UBTF: variants seen among roughly 807,000 people sequenced by gnomAD.
UBTF encodes nucleolar transcription factor 1.
A neutral mutation model predicts 112.3 loss-of-function variants in UBTF; 8 were observed. The observed-to-expected ratio is 0.07, with a 90% CI of 0.04 to 0.13. The LOEUF (loss-of-function observed/expected upper bound fraction) is 0.13. Ranked by LOEUF, UBTF falls within the 10% of genes least tolerant of loss-of-function variation. The pLI is 1.00. For synonymous variants in UBTF, 417 were observed against 373.1 expected, an observed-to-expected ratio of 1.12 and a Z score of -1.36; for missense variants, 457 against 982.1, an observed-to-expected ratio of 0.47 and a Z score of 7.15.
In UBTF at chr17:44,211,097, A is replaced by G; in HGVS notation, c.1145T>C (p.Ile382Thr). Residue 382 changes from isoleucine to threonine, a missense_variant, in exon 12 of 21, where the codon ATC (isoleucine) becomes ACC (threonine). By Grantham distance (89) the Ile-to-Thr change is moderately conservative. This residue lies in a region of UBTF where 108 missense variants were observed against 137.4 expected (regional missense o/e 0.79). Coordinates refer to ENST00000436088, the MANE Select transcript of UBTF (RefSeq NM_014233.4). The surrounding 1 kb of genome is among the most constrained non-coding windows in gnomAD (Gnocchi z 4.9). Reference protein sequence around the residue: ...RVLGEEKMLNINKKQATSPAS... With the variant: ...RVLGEEKMLNTNKKQATSPAS... ...GGGGCTGGTGGCCTGCTTCTTGTTG[A>G]TGTTCAGCATCTTCTCTTCCCCCAA... is the stretch of plus-strand genomic sequence containing the variant. 6.2e-7 allele frequency: 1 copy of G among 1,612,914 alleles called. No individual in the cohort carries two copies. Among genetic ancestry groups the G allele is most frequent in the Non-Finnish European group, 8.5e-7 (1 of 1,179,964 alleles).
At chr17:44,220,011 G>A (rs1468786751), upstream of UBTF, among the ~76,000 whole-genome samples, 1 of 149,028 alleles carries the variant, frequency 6.7e-6, no homozygotes, top group East Asian at 2.0e-4. Flanking sequence ...GGGAAGGAAG[G>A]AGGGGAGGGG....
chr17:44,217,912 G>A (rs2046927510), intron 2 of UBTF, among the ~76,000 whole-genome samples: 1 of 152,180 alleles, frequency 6.6e-6, no homozygotes, highest in Non-Finnish European at 1.5e-5. Flanking sequence ...CAGGCTGAAT[G>A]GGAACCCCAG....
intron 5 of UBTF, among the ~76,000 whole-genome samples, chr17:44,213,646 GGGTGCA>G (rs2046693061): frequency 6.6e-6 from 1 of 152,144 alleles, no homozygotes; most frequent in African/African-American, 2.4e-5. Flanking sequence ...CAGTGGCGTC[GGGTGCA>G]GGCCTTGCTC....
intron 13 of UBTF, 40 bp downstream of exon 13, chr17:44,210,752 A>G: frequency 1.9e-6 from 3 of 1,548,380 alleles, no homozygotes; most frequent in Non-Finnish European, 2.6e-6. Context: ...GGGCCCTGGC[A>G]GCCCCCCTGG....
At chr17:44,212,568 T>C (rs2056757668) in intron 7 of UBTF, 114 bp from the exon 8 acceptor site, 1 of 1,032,128 alleles carries the variant, frequency 9.7e-7, no homozygotes, top group Non-Finnish European at 1.4e-6. Flanking sequence ...GTCACATCAG[T>C]GTCCCCCACA....
chr17:44,214,915 C>G (rs1375321094), intron 5 of UBTF, among the ~76,000 whole-genome samples: 1 of 152,196 alleles, frequency 6.6e-6, no homozygotes, highest in Non-Finnish European at 1.5e-5. Flanking sequence ...CATCTGCAGG[C>G]TCCTCCAATG....
chr17:44,220,599 CG>C (rs1298082626), upstream of UBTF: 1 of 152,164 alleles, frequency 6.6e-6, no homozygotes, highest in Non-Finnish European at 1.5e-5. Flanking sequence ...CGACGGGCTC[CG>C]GCGGAGGGGC....
Position 44,206,612 on chromosome 17 carries a change from T to C in UBTF, c.*630A>G, listed in dbSNP as rs1598207710. 1 of 149,666 alleles carries C rather than the reference T, an allele frequency of 6.7e-6. No individual in the cohort carries two copies. The highest frequency in any genetic ancestry group is 1.5e-5 in the Non-Finnish European group (1 of 67,492). 9.3% of individuals were successfully genotyped at this position (149,666 alleles called of 1,614,324 possible). A position where few individuals can be genotyped will look rare whatever the true frequency, so the allele number is the denominator to read the frequency against. Reference sequence around the variant, plus strand: ...CCGAGATCGGTAGGAAACGTCTCGTTGACAGCTCAGAGCTTAAAAAAAAAT... The same window carrying C: ...CCGAGATCGGTAGGAAACGTCTCGTCGACAGCTCAGAGCTTAAAAAAAAAT... On this transcript the variant is annotated 3_prime_UTR_variant, in exon 21 of 21. Transcript: ENST00000436088.
In UBTF at chr17:44,207,869, A is replaced by T; in HGVS notation, c.1948T>A (p.Ser650Thr). The change falls in exon 18 of 21, where the codon TCC (serine) becomes ACC (threonine). Residue 650 changes from serine (S) to threonine (T), a missense_variant. Transcript: ENST00000436088. ...TGCTCTGCTCCCAGACTCACATTGG[A>T]GATGTACTCTTTATATGCTGCACGG... ...QDRAAYKEYI[S>T]NKRKSMTKLR... 6.2e-7 allele frequency: 1 copy of T among 1,613,830 alleles called. No homozygotes were observed.
intron 5 of UBTF, 68 bp downstream of exon 5, chr17:44,215,586 A>G (rs1210993885): frequency 6.3e-7 from 1 of 1,589,986 alleles, no homozygotes; most frequent in Non-Finnish European, 8.6e-7. Context: ...CCTACCTCCA[A>G]CTGACCCACA....
chr17:44,209,571 A>T, intron 16 of UBTF, 30 bp from the exon 17 acceptor site: 2 of 1,613,132 alleles, frequency 1.2e-6, no homozygotes, highest in Non-Finnish European at 1.7e-6. Flanking sequence ...AAGGAGGGTC[A>T]GGACCCCAAC....
Position 44,213,227 on chromosome 17 carries a change from G to A in UBTF, c.530C>T (p.Ala177Val). 1 of 1,613,800 alleles carries A rather than the reference G, an allele frequency of 6.2e-7. No individual in the cohort carries two copies. The highest frequency in any genetic ancestry group is 8.5e-7 in the Non-Finnish European group (1 of 1,179,842). ...REKQEFERNL[A>V]RFREDHPDLI... ...GGCTCCACTGCCTTACCTGAATCGG[G>A]CCAGGTTTCGCTCGAACTCCTGTTT... Residue 177 changes from alanine (A) to valine (V), a missense_variant, in exon 6 of 21, where the codon GCC becomes GTC. By Grantham distance (64) the Ala-to-Val change is moderately conservative. Coordinates refer to ENST00000436088, the MANE Select transcript of UBTF (RefSeq NM_014233.4).
Position 44,207,869 on chromosome 17 carries a change from A to C in UBTF, c.1948T>G (p.Ser650Ala). The C allele has an allele frequency of 6.2e-7, 1 of 1,613,830 alleles. No homozygotes were observed. Among genetic ancestry groups the C allele is most frequent in the African/African-American group, 1.3e-5 (1 of 74,892 alleles). ...QDRAAYKEYI[S>A]NKRKSMTKLR... The stretch of plus-strand genomic sequence containing the variant: ...TGCTCTGCTCCCAGACTCACATTGG[A>C]GATGTACTCTTTATATGCTGCACGG... The change falls in exon 18 of 21, where the codon TCC (serine) becomes GCC (alanine). Residue 650 changes from serine to alanine, a missense_variant. Physicochemically the swap from Ser to Ala is moderately conservative, Grantham distance 99 (BLOSUM62 1). Transcript: ENST00000436088.
Position 44,205,295 on chromosome 17 carries a change from C to T in UBTF, c.*1947G>A, listed in dbSNP as rs2056187135. 6.6e-6 allele frequency: 1 copy of T among 152,618 alleles called. No individual in the cohort carries two copies. Among genetic ancestry groups the T allele is most frequent in the Non-Finnish European group, 1.5e-5 (1 of 68,028 alleles). The allele number at this position is 152,618 out of a possible 1,614,324, so 9.5% of individuals were successfully genotyped here. ...AGAGTGACCTCTTACAGCACCAACA[C>T]CCCCACCCTGACAGTCCTGTTTGTA... On this transcript the variant is annotated 3_prime_UTR_variant, in exon 21 of 21. Coordinates refer to ENST00000436088, the MANE Select transcript of UBTF (RefSeq NM_014233.4).
chr17:44,213,043 C>G (rs2056795090), intron 6 of UBTF, 104 bp from the exon 7 acceptor site: 30 of 1,561,106 alleles, frequency 1.9e-5, no homozygotes, highest in Non-Finnish European at 2.5e-5. Flanking sequence ...AGCTGGGGCT[C>G]AGTGGGACGG....
chr17:44,220,893 A>ACGCGCCGCGCTCCG (rs2047156471), upstream of UBTF: 1 of 150,908 alleles, frequency 6.6e-6, no homozygotes, highest in African/African-American at 2.4e-5. Context: ...GGCGAGCCCC[A>ACGCGCCGCGCTCCG]CGCGCCGCGC....
rs1357605149 is a variant in UBTF, at chr17:44,207,931, C to T, written c.1906-20G>A. On this transcript the variant is annotated intron_variant, in intron 17 of 20. Coordinates refer to ENST00000436088, the MANE Select transcript of UBTF (RefSeq NM_014233.4). The stretch of plus-strand genomic sequence containing the variant: ...CAGGCTCTGGGGGAGACAGAAGCGG[C>T]AAGGGTTGGAACATAGCCAACTACT... 1 of 1,613,600 alleles carries T rather than the reference C, an allele frequency of 6.2e-7. No homozygotes were observed. Among genetic ancestry groups the T allele is most frequent in the South Asian group, 1.1e-5 (1 of 91,050 alleles).
intron 1 of UBTF, 67 bp from the exon 2 acceptor site, chr17:44,218,363 GC>G: frequency 2.2e-6 from 2 of 895,726 alleles, no homozygotes; most frequent in South Asian, 2.8e-5. Context: ...CTTTCTAACC[GC>G]CCAGAGTAGA....
chr17:44,214,334 C>A (rs2046737728), intron 5 of UBTF, among the ~76,000 whole-genome samples: 1 of 152,202 alleles, frequency 6.6e-6, no homozygotes, highest in African/African-American at 2.4e-5. Flanking sequence ...CTGAAGGGGA[C>A]CACACAGACC....
Sources: gnomAD v4.1 joint callset for allele counts (sites outside exome capture counted in the v4.1 genomes callset) on GRCh38, gnomAD v4.1.1 for gene constraint, gnomAD v4.1.1 regional missense constraint, Gnocchi (gnomAD v3.1) non-coding constraint, MANE v1.5 for transcripts, NCBI Gene and HGNC (gene_info 2026-07-23, HGNC 2026-07-21) for gene names.